The following MSR1 variants were observed in gnomAD, a reference collection of about 807,000 sequenced individuals.
MSR1 encodes macrophage scavenger receptor types I and II.
Under a neutral mutation model 47.2 loss-of-function variants are expected in MSR1, and 53 were observed. The ratio of observed to expected loss-of-function variants is 1.12; its 90% CI spans 0.90 to 1.41. The LOEUF is 1.41. Among genes scored for constraint, MSR1 ranks in the 40% most tolerant of loss-of-function variants. MSR1 has a pLI of 0.00. For synonymous variants in MSR1, 239 were observed against 185.6 expected (o/e 1.29, Z -2.34); for missense variants, 786 against 546.9 (o/e 1.44, Z -4.36).
intron 8 of MSR1, among the ~76,000 whole-genome samples, chr8:16,136,768 A>G (rs1800400317): frequency 2.0e-5 from 3 of 152,004 alleles, no homozygotes; most frequent in African/African-American, 7.2e-5. Flanking sequence ...ACACCCAGCT[A>G]AATTTTGTAT....
intron 9 of MSR1, among the ~76,000 whole-genome samples, chr8:16,112,637 A>C (rs1347584950): frequency 6.6e-6 from 1 of 152,136 alleles, no homozygotes; most frequent in Non-Finnish European, 1.5e-5. Flanking sequence ...ATCCTTGTGT[A>C]AACCAATGAG....
chr8:16,180,280 T>A (rs752636317), intron 1 of MSR1, among the ~76,000 whole-genome samples: 2 of 152,018 alleles, frequency 1.3e-5, no homozygotes, highest in Non-Finnish European at 2.9e-5. Flanking sequence ...TTTATGTGCA[T>A]ACTAAGCAGC....
intron 5 of MSR1, among the ~76,000 whole-genome samples, chr8:16,158,846 C>A (rs1409483204): frequency 6.6e-6 from 1 of 151,128 alleles, no homozygotes; most frequent in African/African-American, 2.4e-5. Context: ...TTTTCCACAT[C>A]TGTTCTTCCA....
intron 4 of MSR1, among the ~76,000 whole-genome samples, chr8:16,167,870 C>T (rs968473799): frequency 1.3e-5 from 2 of 152,074 alleles, no homozygotes; most frequent in Non-Finnish European, 2.9e-5. Context: ...ATCCCAATAC[C>T]CTTTGATATG....
chr8:16,155,122 T>C lies in MSR1; in HGVS notation c.840A>G (p.Glu280=). The C allele has an allele frequency of 1.2e-6, 2 of 1,612,104 alleles. No homozygotes were observed. Among genetic ancestry groups the C allele is most frequent in the Non-Finnish European group, 1.7e-6 (2 of 1,178,714 alleles). Residue 280 remains glutamate (E), a synonymous_variant, in exon 6 of 10, where the codon GAA becomes GAG. Transcript: ENST00000262101. ...LIQGPPGPPG[E]KGDRGPTGES... is the part of the protein sequence containing the mutation. ...CTCCAGTGGGACCTCGATCTCCTTT[T>C]TCACCCGGGGGTCCAGGAGGACCTT...
chr8:16,187,056 G>A (rs187236479), intron 1 of MSR1, among the ~76,000 whole-genome samples: 282 of 151,898 alleles, frequency 1.9e-3, no homozygotes, highest in Non-Finnish European at 2.2e-3. Context: ...ATGCCTTCTC[G>A]TCTCACTCAG....
intron 2 of MSR1, among the ~76,000 whole-genome samples, chr8:16,177,578 G>T (rs955357127): frequency 3.0e-4 from 46 of 151,860 alleles, no homozygotes; most frequent in Admixed American, 3.0e-3. Context: ...ACTAATACAG[G>T]CACCTACCAC....
intron 9 of MSR1, among the ~76,000 whole-genome samples, chr8:16,112,211 CACAG>C (rs1271525569): frequency 6.6e-6 from 1 of 152,132 alleles, no homozygotes; most frequent in Non-Finnish European, 1.5e-5. Context: ...CAGTTTCAGA[CACAG>C]TGAAAATTTT....
chr8:16,180,781 ATTCT>A (rs1400860037), intron 1 of MSR1, among the ~76,000 whole-genome samples: 1 of 152,108 alleles, frequency 6.6e-6, no homozygotes, highest in Non-Finnish European at 1.5e-5. Context: ...CACTAAGAAG[ATTCT>A]TTATTTGGAA....
intron 9 of MSR1, among the ~76,000 whole-genome samples, chr8:16,117,531 T>C (rs1799904306): frequency 6.6e-6 from 1 of 152,214 alleles, no homozygotes; most frequent in Non-Finnish European, 1.5e-5. Context: ...GTTGTACAGC[T>C]GCTTTTGGTG....
intron 9 of MSR1, among the ~76,000 whole-genome samples, chr8:16,115,941 T>C: frequency 6.6e-6 from 1 of 152,146 alleles, no homozygotes; most frequent in East Asian, 1.9e-4. Flanking sequence ...TAACCTGTGA[T>C]TGTACCATTG....
At chr8:16,189,015 T>C (rs1187439539) in intron 1 of MSR1, among the ~76,000 whole-genome samples, 4 of 146,706 alleles carry the variant, frequency 2.7e-5, no homozygotes, top group African/African-American at 7.4e-5. Flanking sequence ...CATATATATA[T>C]GTGTTGAATT....
At chr8:16,132,816 GGA>G (rs565055694) in intron 8 of MSR1, among the ~76,000 whole-genome samples, 2,042 of 152,270 alleles carry the variant, frequency 0.013, 31 homozygotes, top group Middle Eastern at 0.041. Context: ...ATGCTGAACA[GGA>G]GTAGTGGAGA....
At chr8:16,168,139 C>A (rs1445972039) in intron 4 of MSR1, among the ~76,000 whole-genome samples, 1 of 152,102 alleles carries the variant, frequency 6.6e-6, no homozygotes, top group Non-Finnish European at 1.5e-5. Context: ...GTTCACTTCT[C>A]AAGATCTGCT....
intron 7 of MSR1, among the ~76,000 whole-genome samples, chr8:16,144,146 A>T (rs1800635130): frequency 6.6e-6 from 1 of 152,060 alleles, no homozygotes; most frequent in African/African-American, 2.4e-5. Flanking sequence ...TGGTTTTGAG[A>T]AACCTCACCC....
chr8:16,186,059 T>A, intron 1 of MSR1: 1 of 1,044,744 alleles, frequency 9.6e-7, no homozygotes, highest in South Asian at 1.5e-5. Context: ...TTGTTTTTCC[T>A]GTGTGGTAGA....
chr8:16,110,211 A>AC lies in MSR1; in HGVS notation c.1229dup (p.Pro411SerfsTer6). On this transcript the variant is annotated frameshift_variant, in exon 10 of 10. Transcript: ENST00000262101. LOFTEE classifies it high-confidence loss of function. ...AAAACACTTCATTCAGCCATATTGG[A>AC]CCAGTACCTGCAATAATGAGGTATA... is the stretch of plus-strand genomic sequence containing the variant. 6.2e-7 allele frequency: 1 copy of AC among 1,613,466 alleles called. No homozygotes were observed. The highest frequency in any genetic ancestry group is 8.5e-7 in the Non-Finnish European group (1 of 1,179,574).
At position 16,180,386 on chromosome 8, in the gene MSR1, A is replaced by G. The variant is rs552109328; in HGVS notation, c.-4-2394T>C. Among the ~76,000 whole-genome samples the G allele has an allele frequency of 1.1e-3, 174 of 152,226 alleles. 2 individuals carry two copies. Among genetic ancestry groups the G allele is most frequent in the Non-Finnish European group, 1.6e-3 (108 of 68,014 alleles). ...ATGGGCCTCACCACCAGAGTTTCTG[A>G]TATTTGGGGTGGGGGCTCAAGAATT... On this transcript the variant is annotated intron_variant, in intron 1 of 9. Transcript: ENST00000262101.
chr8:16,142,589 A>C (rs1800589302), intron 8 of MSR1, among the ~76,000 whole-genome samples: 1 of 152,168 alleles, frequency 6.6e-6, no homozygotes, highest in Non-Finnish European at 1.5e-5. Flanking sequence ...CTTTGTCTAA[A>C]TATGTCATAC....
Sources: gnomAD v4.1 joint callset for allele counts (sites outside exome capture counted in the v4.1 genomes callset) on GRCh38, gnomAD v4.1.1 for gene constraint, MANE v1.5 for transcripts, NCBI Gene and HGNC (gene_info 2026-07-23, HGNC 2026-07-21) for gene names.